Variants in PUS3 observed in about 807,000 individuals in gnomAD.
The protein encoded by PUS3 is pseudouridine synthase 3, also known as tRNA pseudouridine(38/39) synthase.
In PUS3, 36 loss-of-function variants were observed where a neutral mutation model predicts 43.3. The observed-to-expected ratio is 0.83, with a 90% CI of 0.64 to 1.10. The LOEUF is 1.10. Among genes scored for constraint, PUS3 ranks in the 50% least tolerant of loss-of-function variants. The pLI is 0.00. For synonymous variants in PUS3, 183 were observed against 199.2 expected, an observed-to-expected ratio of 0.92 and a Z score of 0.69; for missense variants, 544 against 589.9, an observed-to-expected ratio of 0.92 and a Z score of 0.81.
intron 3 of PUS3, 116 bp from the exon 4 acceptor site, chr11:125,894,402 A>C (rs1230365436): frequency 1.4e-6 from 1 of 724,738 alleles, no homozygotes; most frequent in African/African-American, 1.8e-5. Context: ...ATTGATGTTA[A>C]TATTGCCTAA....
At chr11:125,894,847 A>G (rs1944525891) in intron 3 of PUS3, among the ~76,000 whole-genome samples, 1 of 152,224 alleles carries the variant, frequency 6.6e-6, no homozygotes, top group Non-Finnish European at 1.5e-5. Flanking sequence ...CCAATGATGT[A>G]GAAATTAATG....
chr11:125,900,184 G>A lies in PUS3; in HGVS notation c.-47+2986C>T, dbSNP rs775566887. ...ATCTAGTACCAACAGAGAAGAAAAG[G>A]TCTGCACTCCGTTGGGGTGTTCGTT... On this transcript the variant is annotated intron_variant, in intron 1 of 3. Transcript: ENST00000227474. The A allele has an allele frequency of 2.5e-6, 4 of 1,614,144 alleles. No individual in the cohort carries two copies. Among genetic ancestry groups the A allele is most frequent in the Non-Finnish European group, 3.4e-6 (4 of 1,180,014 alleles).
At chr11:125,900,167 C>T in intron 1 of PUS3, 1 of 1,614,126 alleles carries the variant, frequency 6.2e-7, no homozygotes, top group Non-Finnish European at 8.5e-7. Context: ...TTATCTAGTA[C>T]CAACAGAGAA....
intron 1 of PUS3, chr11:125,899,838 C>T (rs780865876): frequency 6.2e-7 from 1 of 1,614,120 alleles, no homozygotes; most frequent in African/African-American, 1.3e-5. Context: ...TTTAACCTAC[C>T]ACATGAATAC....
chr11:125,900,125 T>C, intron 1 of PUS3: 6 of 1,614,172 alleles, frequency 3.7e-6, no homozygotes, highest in South Asian at 1.1e-5. Flanking sequence ...AGAACCCCAA[T>C]CCAAACCTCA....
chr11:125,901,886 G>C (rs1455163446), intron 1 of PUS3, among the ~76,000 whole-genome samples: 1 of 152,150 alleles, frequency 6.6e-6, no homozygotes, highest in African/African-American at 2.4e-5. Context: ...AGTACACACA[G>C]GGAAAGATCA....
At chr11:125,900,287 C>A in intron 1 of PUS3, 1 of 1,611,682 alleles carries the variant, frequency 6.2e-7, no homozygotes, top group Non-Finnish European at 8.5e-7. Flanking sequence ...AAACTTCTTT[C>A]ACAGGATTGT....
chr11:125,895,170 C>A, intron 3 of PUS3, 54 bp downstream of exon 3: 1 of 1,434,424 alleles, frequency 7.0e-7, no homozygotes. Context: ...CCTCAAGCGT[C>A]CCGAGTAGCT....
In PUS3 at chr11:125,895,475, G is replaced by A. The variant is rs1175614088; in HGVS notation, c.693C>T (p.Ala231=). ...DFRNLCKMDV[A]NGVINFQRTI... is the part of the protein sequence containing the mutation. Reference sequence around the variant, plus strand: ...TCCTCTGAAAATTAATCACACCGTTGGCTACATCCATTTTACACAAGTTCC... The same window carrying A: ...TCCTCTGAAAATTAATCACACCGTTAGCTACATCCATTTTACACAAGTTCC... The change falls in exon 3 of 4, where the codon GCC becomes GCT. Residue 231 remains alanine, a synonymous_variant. Coordinates refer to ENST00000227474, the MANE Select transcript of PUS3 (RefSeq NM_031307.4). 9 of 1,614,028 alleles carry A rather than the reference G, an allele frequency of 5.6e-6. No individual in the cohort carries two copies. In the South Asian group the frequency reaches 9.9e-5, roughly 18 times the overall value.
intron 1 of PUS3, chr11:125,900,395 T>G: frequency 1.1e-6 from 1 of 877,638 alleles, no homozygotes; most frequent in Middle Eastern, 3.4e-4. Flanking sequence ...TCACCTATCA[T>G]TGGTCTTTCC....
intron 1 of PUS3, chr11:125,900,110 C>T: frequency 3.1e-6 from 5 of 1,614,096 alleles, no homozygotes; most frequent in Non-Finnish European, 4.2e-6. Context: ...GATGCTTTGT[C>T]GAGCAGAACC....
chr11:125,900,003 G>A (rs775451336), intron 1 of PUS3: 12 of 1,614,070 alleles, frequency 7.4e-6, no homozygotes, highest in African/African-American at 4.0e-5. Context: ...AAGACAGACC[G>A]GGTAGCCCGG....
intron 1 of PUS3, among the ~76,000 whole-genome samples, chr11:125,897,674 T>C (rs1356445806): frequency 6.6e-6 from 1 of 152,194 alleles, no homozygotes; most frequent in Non-Finnish European, 1.5e-5. Context: ...TATGAACTAT[T>C]TTTCAAGGAA....
chr11:125,900,086 G>A, intron 1 of PUS3: 1 of 1,614,094 alleles, frequency 6.2e-7, no homozygotes, highest in South Asian at 1.1e-5. Flanking sequence ...ATTACGCTGG[G>A]GTGTCCGAGA....
chr11:125,895,567 G>A lies in PUS3; in HGVS notation c.601C>T (p.Arg201Cys), dbSNP rs372488492. 3.0e-5 allele frequency: 48 copies of A among 1,614,062 alleles called. No homozygotes were observed. Among genetic ancestry groups the A allele is most frequent in the Non-Finnish European group, 3.6e-5 (43 of 1,180,018 alleles). Reference sequence around the variant, plus strand: ...ATGGTTACAATATCTAAATCAGCACGAGGGAAAAAATAGCGGTAAGTCCGC... The same window carrying A: ...ATGGTTACAATATCTAAATCAGCACAAGGGAAAAAATAGCGGTAAGTCCGC... ...LERTYRYFFPRADLDIVTMDY... is the reference protein window; with the variant it reads ...LERTYRYFFPCADLDIVTMDY... Residue 201 changes from arginine to cysteine, a missense_variant, in exon 3 of 4, where the codon CGT (arginine) becomes TGT (cysteine). Transcript: ENST00000227474.
In PUS3 at chr11:125,896,327, C is replaced by A; in HGVS notation, c.-43G>T. ...AATAAACGAACCATACAGGTCTGCC[C>A]TGTCTGAAAAGAGAGCAAAGGGATA... On this transcript the variant is annotated 5_prime_UTR_variant, in exon 2 of 4. It adds an upstream start codon to the 5' untranslated region. Coordinates refer to ENST00000227474, the MANE Select transcript of PUS3 (RefSeq NM_031307.4). The A allele has an allele frequency of 1.3e-6, 2 of 1,534,174 alleles. No individual in the cohort carries two copies. Among genetic ancestry groups the A allele is most frequent in the South Asian group, 1.2e-5 (1 of 83,094 alleles).
At chr11:125,901,047 T>G (rs1216340354) in intron 1 of PUS3, among the ~76,000 whole-genome samples, 1 of 151,372 alleles carries the variant, frequency 6.6e-6, no homozygotes, top group African/African-American at 2.4e-5. Context: ...AAAACCTGCC[T>G]TTTACATAGT....
At chr11:125,896,831 A>C (rs952005664) in intron 1 of PUS3, among the ~76,000 whole-genome samples, 1 of 152,176 alleles carries the variant, frequency 6.6e-6, no homozygotes, top group African/African-American at 2.4e-5. Context: ...TAGGTGGTGC[A>C]ATAGAAGCTA....
chr11:125,901,528 G>A (rs545753442), intron 1 of PUS3, among the ~76,000 whole-genome samples: 39 of 152,340 alleles, frequency 2.6e-4, no homozygotes, highest in Admixed American at 1.8e-3. Context: ...TGATAGTACA[G>A]TTTGCTTGTT....
Sources: allele counts gnomAD v4.1 joint callset (sites outside exome capture counted in the v4.1 genomes callset), GRCh38; gene constraint gnomAD v4.1.1; transcripts MANE v1.5; gene names NCBI Gene and HGNC (gene_info 2026-07-23, HGNC 2026-07-21).